CANX: variants seen among roughly 807,000 people sequenced by gnomAD.
CANX encodes the protein calnexin.
In CANX, 14 loss-of-function variants were observed where a neutral mutation model predicts 75.7. The ratio of observed to expected loss-of-function variants is 0.19; its 90% CI spans 0.12 to 0.29. The LOEUF (loss-of-function observed/expected upper bound fraction) is 0.29, where lower values mean the gene tolerates loss of function less well. Among genes scored for constraint, CANX ranks in the 10% least tolerant of loss-of-function variants. The probability of loss-of-function intolerance (pLI) is 1.00; values close to 1 mark genes in which losing one functional copy is unlikely to be tolerated. For synonymous variants in CANX, 227 were observed against 236.9 expected (o/e 0.96, Z 0.38); for missense variants, 567 against 713.2 (o/e 0.79, Z 2.34).
At chr5:179,680,860 G>A in intron 1 of CANX, 1 of 1,534,634 alleles carries the variant, frequency 6.5e-7, no homozygotes, top group Non-Finnish European at 8.7e-7. Context: ...GACAGAGGCT[G>A]GATGGTACAT....
At chr5:179,724,543 G>C (rs1435113227) in intron 12 of CANX, 114 bp from the exon 13 acceptor site, 1 of 796,756 alleles carries the variant, frequency 1.3e-6, no homozygotes, top group African/African-American at 1.7e-5. Context: ...ATTCGTTTCT[G>C]TATATCTATC....
intron 1 of CANX, among the ~76,000 whole-genome samples, chr5:179,689,755 G>T (rs1776268766): frequency 6.6e-6 from 1 of 151,482 alleles, no homozygotes; most frequent in Admixed American, 6.6e-5. Flanking sequence ...TTGATTATTT[G>T]AACAGGAAAT....
intron 1 of CANX, among the ~76,000 whole-genome samples, chr5:179,687,924 A>C (rs1403132020): frequency 6.6e-6 from 1 of 151,788 alleles, no homozygotes; most frequent in Non-Finnish European, 1.5e-5. Flanking sequence ...GGTCCCAGCT[A>C]CTTGGGAGGC....
intron 1 of CANX, among the ~76,000 whole-genome samples, chr5:179,684,919 A>ATTTTTTTTTTTTTT (rs1562433057): frequency 7.3e-5 from 7 of 95,258 alleles, no homozygotes; most frequent in African/African-American, 3.0e-4. Flanking sequence ...CACCTGGCTA[A>ATTTTTTTTTTTTTT]TTTTGTATTT....
At chr5:179,706,887 A>C (rs1777176070) in intron 3 of CANX, among the ~76,000 whole-genome samples, 1 of 152,202 alleles carries the variant, frequency 6.6e-6, no homozygotes, top group Non-Finnish European at 1.5e-5. Context: ...TGATTGAGGA[A>C]AAAAATTTTC....
chr5:179,700,324 AAGT>A (rs1776654974), intron 1 of CANX: 3 of 152,236 alleles, frequency 2.0e-5, no homozygotes. Flanking sequence ...ATTTTTTAAT[AAGT>A]AGATTTTTTT....
chr5:179,705,895 T>C (rs754858296), intron 2 of CANX, 43 bp downstream of exon 2: 3 of 1,546,306 alleles, frequency 1.9e-6, no homozygotes, highest in Non-Finnish European at 2.7e-6. Flanking sequence ...CGTCTTGAGA[T>C]GATAAAATTA....
chr5:179,685,546 CT>C (rs1231654880), intron 1 of CANX, among the ~76,000 whole-genome samples: 1,244 of 61,462 alleles, frequency 0.02, 3 homozygotes, highest in African/African-American at 0.084. Flanking sequence ...CCGCGCCCAG[CT>C]TTTTTTTTTT....
At chr5:179,679,142 G>A in intron 1 of CANX, 1 of 1,535,672 alleles carries the variant, frequency 6.5e-7, no homozygotes, top group Non-Finnish European at 8.7e-7. Context: ...GGTTGCCAGG[G>A]CGTGGACCTT....
chr5:179,709,933 G>T lies in CANX; in HGVS notation c.589G>T (p.Asp197Tyr). The T allele has an allele frequency of 6.2e-7, 1 of 1,613,104 alleles. No homozygotes were observed. The highest frequency in any genetic ancestry group is 8.5e-7 in the Non-Finnish European group (1 of 1,179,338). ...IMFGPDKCGE[D>Y]YKLHFIFRHK... ...GTTTGGTCCAGATAAATGTGGAGAG[G>T]ACTATAAACTGCACTTCATCTTCCG... Residue 197 changes from aspartate to tyrosine, a missense_variant, in exon 7 of 15, where the codon GAC (aspartate) becomes TAC (tyrosine). Transcript: ENST00000247461.
chr5:179,684,955 T>A (rs1327623445), intron 1 of CANX, among the ~76,000 whole-genome samples: 1 of 115,064 alleles, frequency 8.7e-6, no homozygotes, highest in African/African-American at 3.1e-5. Context: ...TTTTTTTTTT[T>A]TACTAGAGAC....
intron 1 of CANX, among the ~76,000 whole-genome samples, chr5:179,679,885 C>G (rs1776011565): frequency 6.6e-6 from 1 of 151,144 alleles, no homozygotes; most frequent in Non-Finnish European, 1.5e-5. Flanking sequence ...TCTCGAACTC[C>G]TGACCTCAGG....
chr5:179,698,393 G>A, upstream of CANX: 1 of 1,220,574 alleles, frequency 8.2e-7, no homozygotes, highest in African/African-American at 1.6e-5. Context: ...AGGAACTGCG[G>A]CGCCGGCTCA....
At chr5:179,725,728 G>C (rs1449178511) in intron 13 of CANX, among the ~76,000 whole-genome samples, 1 of 147,690 alleles carries the variant, frequency 6.8e-6, no homozygotes, top group African/African-American at 2.5e-5. Flanking sequence ...GGTGGCTCAC[G>C]CCTGTAATCC....
chr5:179,696,644 G>A (rs979675615), upstream of CANX, among the ~76,000 whole-genome samples: 9 of 152,060 alleles, frequency 5.9e-5, no homozygotes, highest in Non-Finnish European at 8.8e-5. Context: ...GCAGTTTCTC[G>A]TGTTTCTTTC....
intron 13 of CANX, 41 bp from the exon 14 acceptor site, chr5:179,726,639 A>AAATAAT (rs773114203): frequency 1.9e-5 from 27 of 1,425,218 alleles, no homozygotes; most frequent in Non-Finnish European, 2.3e-5. Flanking sequence ...TAATCACCAA[A>AAATAAT]AATAATAAGG....
chr5:179,699,178 G>C (rs376470095), intron 1 of CANX, 76 bp downstream of exon 1: 36 of 888,178 alleles, frequency 4.1e-5, no homozygotes, highest in African/African-American at 1.8e-5. Flanking sequence ...GCGGCTGAGG[G>C]GTCGGGCGTG....
intron 1 of CANX, chr5:179,704,511 G>A (rs1776990856): frequency 1.4e-5 from 2 of 141,028 alleles, no homozygotes; most frequent in Non-Finnish European, 3.0e-5. Flanking sequence ...TGGCGATAGA[G>A]CAAGACTCAT....
chr5:179,726,815 A>G, intron 14 of CANX, 56 bp downstream of exon 14: 1 of 1,310,502 alleles, frequency 7.6e-7, no homozygotes, highest in Non-Finnish European at 1.1e-6. Flanking sequence ...CATTTATGTA[A>G]AGGGAATATT....
Sources: gnomAD v4.1 joint callset for allele counts (sites outside exome capture counted in the v4.1 genomes callset) on GRCh38, gnomAD v4.1.1 for gene constraint, MANE v1.5 for transcripts, NCBI Gene and HGNC (gene_info 2026-07-23, HGNC 2026-07-21) for gene names.